PRPF4: variants seen among roughly 807,000 people sequenced by gnomAD.
PRPF4 encodes pre-mRNA splicing tri-snRNP complex factor PRPF4, also known as U4/U6 small nuclear ribonucleoprotein Prp4.
A neutral mutation model predicts 72.2 loss-of-function variants in PRPF4; 14 were observed. The observed-to-expected ratio is 0.19, with a 90% CI of 0.13 to 0.30. The LOEUF (loss-of-function observed/expected upper bound fraction) is 0.30. PRPF4 is among the 10% of genes least tolerant of loss of function. PRPF4 has a pLI of 1.00. For missense variants in PRPF4, 478 were observed against 653.9 expected (o/e 0.73, Z 2.93); for synonymous variants, 225 against 232.2 (o/e 0.97, Z 0.28).
At chr9:113,282,831 G>A in intron 4 of PRPF4, 98 bp downstream of exon 4, 1 of 1,140,528 alleles carries the variant, frequency 8.8e-7, no homozygotes, top group Non-Finnish European at 1.3e-6. Flanking sequence ...CTGAGATGTT[G>A]GGGGAAATGT....
intron 2 of PRPF4, among the ~76,000 whole-genome samples, chr9:113,276,971 C>T (rs1243011167): frequency 2.6e-5 from 4 of 151,924 alleles, no homozygotes; most frequent in African/African-American, 7.3e-5. Flanking sequence ...CACACCACCA[C>T]GCCCGGCTAA....
intron 7 of PRPF4, 117 bp downstream of exon 7, chr9:113,284,506 C>A: frequency 1.2e-6 from 1 of 808,966 alleles, no homozygotes. Context: ...CTCATGATCA[C>A]ACCAAACTAC....
At chr9:113,284,268 C>T (rs761981014) in intron 6 of PRPF4, 27 bp from the exon 7 acceptor site, 10 of 1,495,754 alleles carry the variant, frequency 6.7e-6, no homozygotes, top group South Asian at 2.3e-5. Flanking sequence ...TAATGATCAC[C>T]GTGTGTGTAT....
At position 113,276,691 on chromosome 9, in the gene PRPF4, A is replaced by G. The variant is rs753243622; in HGVS notation, c.171A>G (p.Ala57=). The change falls in exon 2 of 14, where the codon GCA becomes GCG. Residue 57 remains alanine (A), a synonymous_variant. Transcript: ENST00000374198. ...SGILGKDGLK[A]GIEAGNINIT... ...TTTTGGGGAAAGACGGACTTAAAGCAGGGATCGAAGCTGGAAATATTAATA... is the reference window on the plus strand; with the variant it reads ...TTTTGGGGAAAGACGGACTTAAAGCGGGGATCGAAGCTGGAAATATTAATA... 3 of 1,613,994 alleles carry G rather than the reference A, an allele frequency of 1.9e-6. No homozygotes were observed. Among genetic ancestry groups the G allele is most frequent in the South Asian group, 2.2e-5 (2 of 91,044 alleles).
chr9:113,283,206 G>T lies in PRPF4; in HGVS notation c.555G>T (p.Leu185Phe). Residue 185 changes from leucine to phenylalanine, a missense_variant, in exon 5 of 14, where the codon TTG becomes TTT. Leu to Phe is a conservative substitution (Grantham distance 22). Coordinates refer to ENST00000374198, the MANE Select transcript of PRPF4 (RefSeq NM_001244926.2). ...VARLWIANYS[L>F]PRAMKRLEEA... The stretch of plus-strand genomic sequence containing the variant: ...GACTATGGATTGCTAATTATTCGTT[G>T]CCCAGGTAAAGAGAGCCTCCAGTAG... 6.2e-7 allele frequency: 1 copy of T among 1,614,190 alleles called. No homozygotes were observed.
rs1404215620 is a variant in PRPF4, at chr9:113,283,410, G to A, written c.582G>A (p.Glu194=). ...SLPRAMKRLE[E]ARLHKEIPET... ...GCAGGGCAATGAAACGCTTGGAAGA[G>A]GCCCGACTCCATAAGGAGATTCCTG... is the stretch of plus-strand genomic sequence containing the variant. The change falls in exon 6 of 14, where the codon GAG becomes GAA. Residue 194 remains glutamate, a synonymous_variant. Transcript: ENST00000374198. 1.9e-6 allele frequency: 3 copies of A among 1,614,034 alleles called. No individual in the cohort carries two copies. Among genetic ancestry groups the A allele is most frequent in the Non-Finnish European group, 2.5e-6 (3 of 1,180,034 alleles).
chr9:113,276,472 G>T, intron 1 of PRPF4, 76 bp from the exon 2 acceptor site: 1 of 1,511,138 alleles, frequency 6.6e-7, no homozygotes, highest in Non-Finnish European at 9.2e-7. Context: ...AACTCAGGGT[G>T]AGCTTCATCC....
Position 113,289,862 on chromosome 9 carries a change from C to T in PRPF4, c.1023-604C>T, listed in dbSNP as rs1364703492. Reference sequence around the variant, plus strand: ...ATGCTTGATGAATGAAAGAATATAACAGTGGAGGAAGAAAGAAGGTAACAG... The same window carrying T: ...ATGCTTGATGAATGAAAGAATATAATAGTGGAGGAAGAAAGAAGGTAACAG... On this transcript the variant is annotated intron_variant, in intron 10 of 13. Coordinates refer to ENST00000374198, the MANE Select transcript of PRPF4 (RefSeq NM_001244926.2). 2.0e-5 allele frequency among the ~76,000 whole-genome samples: 3 copies of T among 152,112 alleles called. No individual in the cohort carries two copies. In the East Asian group the frequency reaches 5.8e-4, roughly 29 times the overall value.
intron 5 of PRPF4, 82 bp from the exon 6 acceptor site, chr9:113,283,307 A>G (rs1832336380): frequency 6.2e-7 from 1 of 1,612,108 alleles, no homozygotes; most frequent in African/African-American, 1.3e-5. Flanking sequence ...TTGTTAAATG[A>G]AATTGAGGGG....
intron 3 of PRPF4, among the ~76,000 whole-genome samples, chr9:113,280,409 C>T (rs988724765): frequency 2.0e-5 from 3 of 152,186 alleles, no homozygotes; most frequent in Admixed American, 2.0e-4. Flanking sequence ...AGGTATCCCA[C>T]AGGTACTTCA....
rs879861650 is a variant in PRPF4, at chr9:113,292,213, CAA to C, written c.*566_*567del. On this transcript the variant is annotated 3_prime_UTR_variant, in exon 14 of 14. Transcript: ENST00000374198. Reference sequence around the variant, plus strand: ...TGTGTGACAGAGCAAGACCCTGTCTCAAAAAAAAAAAAAATTTGTTCGAATGC... The same window carrying C: ...TGTGTGACAGAGCAAGACCCTGTCTCAAAAAAAAAAAATTTGTTCGAATGC... 4.3e-5 allele frequency: 6 copies of C among 140,346 alleles called. No homozygotes were observed. The highest frequency in any genetic ancestry group is 7.8e-5 in the Non-Finnish European group (5 of 64,146). The allele number at this position is 140,346 out of a possible 1,614,324, so 8.7% of individuals were successfully genotyped here.
chr9:113,282,754 C>G lies in PRPF4; in HGVS notation c.480+21C>G, dbSNP rs554232408. 34 of 1,541,680 alleles carry G rather than the reference C, an allele frequency of 2.2e-5. No homozygotes were observed. The South Asian group carries it at 3.7e-4, about 17-fold the overall frequency. ...AAGAGGTAGAACATGTCTTTAACTT[C>G]ACAGTATAAACATGAAGGAAATGAG... On this transcript the variant is annotated intron_variant, in intron 4 of 13. Transcript: ENST00000374198.
At chr9:113,285,252 C>T (rs147747020) in intron 7 of PRPF4, among the ~76,000 whole-genome samples, 3 of 151,304 alleles carry the variant, frequency 2.0e-5, no homozygotes, top group African/African-American at 7.3e-5. Context: ...CTTGTAATCC[C>T]AGCACTTTGG....
At chr9:113,280,011 G>GT (rs1391454883) in intron 3 of PRPF4, among the ~76,000 whole-genome samples, 3 of 152,046 alleles carry the variant, frequency 2.0e-5, no homozygotes, top group Admixed American at 6.6e-5. Context: ...TGTTGGAAGG[G>GT]TTTTTTCTAT....
chr9:113,291,773 T>G lies in PRPF4; in HGVS notation c.*113T>G. On this transcript the variant is annotated 3_prime_UTR_variant, in exon 14 of 14. Coordinates refer to ENST00000374198, the MANE Select transcript of PRPF4 (RefSeq NM_001244926.2). Reference sequence around the variant, plus strand: ...CATGTTTTCTGCCAATTACCATGCATAGACCCTCAGTAGAATTGGATTTCC... The same window carrying G: ...CATGTTTTCTGCCAATTACCATGCAGAGACCCTCAGTAGAATTGGATTTCC... The G allele has an allele frequency of 1.9e-6, 2 of 1,060,134 alleles. No individual in the cohort carries two copies. Among genetic ancestry groups the G allele is most frequent in the South Asian group, 3.3e-5 (2 of 60,178 alleles). The allele number at this position is 1,060,134 out of a possible 1,614,324, so 65.7% of individuals were successfully genotyped here.
chr9:113,275,777 A>C lies in PRPF4; in HGVS notation c.27+7A>C, dbSNP rs769240776. 4 of 1,611,840 alleles carry C rather than the reference A, an allele frequency of 2.5e-6. No homozygotes were observed. In the African/African-American group the frequency reaches 5.4e-5, roughly 22 times the overall value. ...CTCGCGAGCCTCTTCCACGGTACAG[A>C]GCCCGGGATCCCAGCTCACTCTGGC... On this transcript the variant is annotated splice_region_variant and intron_variant, in intron 1 of 13. Transcript: ENST00000374198.
rs758068868 is a variant in PRPF4 at position 113,278,927 on chromosome 9, C to T, written c.206-18C>T. On this transcript the variant is annotated intron_variant, in intron 2 of 13. Transcript: ENST00000374198. ...TTTGAAGAAGATCTGCTGATGTTGC[C>T]TGTTTTCTTTTTAATAGGAGAAGTG... The T allele has an allele frequency of 6.2e-7, 1 of 1,612,378 alleles. No individual in the cohort carries two copies. The highest frequency in any genetic ancestry group is 2.2e-5 in the East Asian group (1 of 44,864).
At chr9:113,276,821 A>ATTT in intron 2 of PRPF4, 96 bp downstream of exon 2, 20 of 1,087,194 alleles carry the variant, frequency 1.8e-5, no homozygotes, top group Non-Finnish European at 2.4e-5. Flanking sequence ...AAAAATTACA[A>ATTT]TTTTTTTTTT....
chr9:113,283,351 AC>A, intron 5 of PRPF4, 37 bp from the exon 6 acceptor site: 5 of 1,613,750 alleles, frequency 3.1e-6, no homozygotes, highest in Non-Finnish European at 4.2e-6. Context: ...CTTGTTTACA[AC>A]CCTGTTGCTC....
Sources: gnomAD v4.1 joint callset for allele counts (sites outside exome capture counted in the v4.1 genomes callset) on GRCh38, gnomAD v4.1.1 for gene constraint, MANE v1.5 for transcripts, NCBI Gene and HGNC (gene_info 2026-07-23, HGNC 2026-07-21) for gene names.